Variants in SBF2 observed in about 807,000 individuals in gnomAD.
The protein encoded by SBF2 is SET binding factor 2.
A neutral mutation model predicts 225.2 loss-of-function variants in SBF2; 112 were observed. The observed-to-expected ratio is 0.50, with a 90% CI of 0.43 to 0.58. The LOEUF (loss-of-function observed/expected upper bound fraction) is 0.58, where lower values mean the gene tolerates loss of function less well. SBF2 is among the 20% of genes least tolerant of loss of function. The pLI is 0.00. For synonymous variants in SBF2, 763 were observed against 773.3 expected, an observed-to-expected ratio of 0.99 and a Z score of 0.22; for missense variants, 1,996 against 2,206.2, an observed-to-expected ratio of 0.90 and a Z score of 1.91.
At chr11:10,122,759 G>A (rs540986128) in intron 2 of SBF2, among the ~76,000 whole-genome samples, 23 of 152,220 alleles carry the variant, frequency 1.5e-4, no homozygotes, top group South Asian at 1.2e-3. Context: ...ATGGAGACAC[G>A]GGAGTCTCAG....
At chr11:10,078,287 C>G (rs1214825464) in intron 2 of SBF2, among the ~76,000 whole-genome samples, 1 of 152,088 alleles carries the variant, frequency 6.6e-6, no homozygotes, top group East Asian at 1.9e-4. Flanking sequence ...GGGTATATAC[C>G]CAAAGGATTA....
intron 17 of SBF2, among the ~76,000 whole-genome samples, chr11:9,873,361 A>T (rs1858943711): frequency 6.6e-6 from 1 of 152,224 alleles, no homozygotes. Flanking sequence ...AGAATTCAAA[A>T]GATATGTTAT....
At chr11:10,172,145 T>A (rs73415048) in intron 2 of SBF2, among the ~76,000 whole-genome samples, 5 of 152,248 alleles carry the variant, frequency 3.3e-5, no homozygotes, top group African/African-American at 1.2e-4. Context: ...TCTGCTCCGA[T>A]CTTTATTAGT....
chr11:10,240,143 A>T (rs1959188402), intron 1 of SBF2, among the ~76,000 whole-genome samples: 1 of 152,138 alleles, frequency 6.6e-6, no homozygotes, highest in South Asian at 2.1e-4. Flanking sequence ...TAAGCTAACT[A>T]TACAGACTTA....
intron 2 of SBF2, among the ~76,000 whole-genome samples, chr11:10,116,404 C>CT (rs34452108): frequency 0.056 from 8,513 of 152,184 alleles, 369 homozygotes; most frequent in Non-Finnish European, 0.078. Flanking sequence ...AACATGAAAT[C>CT]TTTAAGAACT....
intron 2 of SBF2, chr11:10,149,433 C>T (rs947628429): frequency 1.3e-5 from 2 of 152,058 alleles, no homozygotes; most frequent in African/African-American, 4.8e-5. Flanking sequence ...CAATAGTTTC[C>T]TAAACTCATC....
At chr11:9,950,465 T>C (rs78333976) in intron 16 of SBF2, among the ~76,000 whole-genome samples, 160 of 152,352 alleles carry the variant, frequency 1.1e-3, no homozygotes, top group African/African-American at 3.4e-3. Context: ...AGGACACTGA[T>C]ATTTCAACTC....
rs574668267 is a variant in SBF2, at chr11:9,961,058, C to T, written c.1860+899G>A. On this transcript the variant is annotated intron_variant, in intron 16 of 39. Coordinates refer to ENST00000256190, the MANE Select transcript of SBF2 (RefSeq NM_030962.4). ...TAGGAGTATATTGGTAATTTTAAGG[C>T]TTTTATTCTTCTGTTTAAGGTTCTG... The T allele has an allele frequency of 8.5e-5, 13 of 152,110 alleles. No homozygotes were observed. The East Asian group carries it at 2.5e-3, about 29-fold the overall frequency. 9.4% of individuals were successfully genotyped at this position (152,110 alleles called of 1,614,324 possible). A position where few individuals can be genotyped will look rare whatever the true frequency, so the allele number is the denominator to read the frequency against.
chr11:9,980,770 G>A (rs1377272099), intron 13 of SBF2, among the ~76,000 whole-genome samples: 1 of 150,902 alleles, frequency 6.6e-6, no homozygotes, highest in African/African-American at 2.4e-5. Context: ...TGTAGAGATG[G>A]GGTTTCACTG....
chr11:10,125,777 T>A (rs558024659), intron 2 of SBF2, among the ~76,000 whole-genome samples: 1 of 152,354 alleles, frequency 6.6e-6, no homozygotes, highest in East Asian at 1.9e-4. Context: ...TTTAGCATCA[T>A]GACTCTTTAA....
At chr11:10,053,020 T>C (rs1315021615) in intron 2 of SBF2, among the ~76,000 whole-genome samples, 1 of 151,940 alleles carries the variant, frequency 6.6e-6, no homozygotes, top group Non-Finnish European at 1.5e-5. Context: ...TATGTATGTA[T>C]GTGTGTGTGT....
At chr11:9,872,612 ACTT>A (rs1217494998) in intron 17 of SBF2, among the ~76,000 whole-genome samples, 1 of 152,196 alleles carries the variant, frequency 6.6e-6, no homozygotes, top group African/African-American at 2.4e-5. Flanking sequence ...ATAACCTACT[ACTT>A]CATATCTACA....
At chr11:10,013,705 C>T (rs1432365575) in intron 6 of SBF2, among the ~76,000 whole-genome samples, 1 of 152,148 alleles carries the variant, frequency 6.6e-6, no homozygotes, top group Non-Finnish European at 1.5e-5. Context: ...TTTAAGACCA[C>T]GTAAATATCT....
chr11:9,870,936 T>C (rs1463080326), intron 17 of SBF2, among the ~76,000 whole-genome samples: 7 of 145,824 alleles, frequency 4.8e-5, no homozygotes, highest in Non-Finnish European at 8.9e-5. Context: ...ATCACGCCAC[T>C]GCACTCCAGC....
At chr11:9,994,843 C>G (rs1031073649) in intron 9 of SBF2, among the ~76,000 whole-genome samples, 2 of 151,928 alleles carry the variant, frequency 1.3e-5, no homozygotes, top group Non-Finnish European at 2.9e-5. Flanking sequence ...TTGAAACCAG[C>G]CTGGCCAACA....
At chr11:10,009,238 A>G (rs1948335997) in intron 6 of SBF2, among the ~76,000 whole-genome samples, 1 of 152,170 alleles carries the variant, frequency 6.6e-6, no homozygotes, top group Non-Finnish European at 1.5e-5. Flanking sequence ...ACGGCAAAAC[A>G]GTTAAACTTA....
chr11:10,096,128 A>C (rs189079783), intron 2 of SBF2, among the ~76,000 whole-genome samples: 15 of 152,288 alleles, frequency 9.8e-5, no homozygotes, highest in African/African-American at 3.6e-4. Context: ...GGAGACCTTC[A>C]TAAACAAATC....
chr11:9,976,507 G>A (rs1425557887), intron 13 of SBF2, among the ~76,000 whole-genome samples: 2 of 152,088 alleles, frequency 1.3e-5, no homozygotes, highest in Non-Finnish European at 2.9e-5. Flanking sequence ...TGAGGTGGGA[G>A]GATCGCTTGA....
chr11:10,080,402 A>G (rs1951320961), intron 2 of SBF2, among the ~76,000 whole-genome samples: 1 of 152,082 alleles, frequency 6.6e-6, no homozygotes, highest in Non-Finnish European at 1.5e-5. Flanking sequence ...AGTTTTTAAC[A>G]TGGAAACAAA....
Sources: gnomAD v4.1 joint callset for allele counts (sites outside exome capture counted in the v4.1 genomes callset) on GRCh38, gnomAD v4.1.1 for gene constraint, MANE v1.5 for transcripts, NCBI Gene and HGNC (gene_info 2026-07-23, HGNC 2026-07-21) for gene names.